SGMS1: variants seen among roughly 807,000 people sequenced by gnomAD.
SGMS1 encodes the protein sphingomyelin synthase 1.
A neutral mutation model predicts 46.2 loss-of-function variants in SGMS1; 13 were observed. The ratio of observed to expected loss-of-function variants is 0.28; its 90% CI spans 0.18 to 0.45. The LOEUF (loss-of-function observed/expected upper bound fraction) is 0.45, where lower values mean the gene tolerates loss of function less well. SGMS1 is among the 20% of genes least tolerant of loss of function. SGMS1 has a pLI of 1.00. For missense variants in SGMS1, 324 were observed against 519.9 expected, an observed-to-expected ratio of 0.62 and a Z score of 3.66; for synonymous variants, 203 against 187.8, an observed-to-expected ratio of 1.08 and a Z score of -0.66.
intron 3 of SGMS1, among the ~76,000 whole-genome samples, chr10:50,478,132 T>C (rs150167523): frequency 6.6e-6 from 1 of 152,338 alleles, no homozygotes; most frequent in African/African-American, 2.4e-5. Context: ...ATGTATGTCA[T>C]GAATCTGCTT....
At chr10:50,624,084 G>T, upstream of SGMS1, 1 of 985,158 alleles carries the variant, frequency 1.0e-6, no homozygotes, top group Non-Finnish European at 1.2e-6. Context: ...GGCTCCTCCC[G>T]GGACCGAGCG....
chr10:50,624,848 C>G (rs1235961745), upstream of SGMS1: 1 of 992,712 alleles, frequency 1.0e-6, no homozygotes, highest in Non-Finnish European at 1.2e-6. Flanking sequence ...ACAGGCAGCC[C>G]GAGGCCGTGC....
chr10:50,570,474 C>T (rs1838327365), intron 2 of SGMS1, among the ~76,000 whole-genome samples: 1 of 152,092 alleles, frequency 6.6e-6, no homozygotes, highest in Non-Finnish European at 1.5e-5. Context: ...TAGCTAGTGC[C>T]ACTGCATTAC....
At chr10:50,389,733 C>T (rs1369244975) in intron 6 of SGMS1, among the ~76,000 whole-genome samples, 1 of 152,156 alleles carries the variant, frequency 6.6e-6, no homozygotes, top group Non-Finnish European at 1.5e-5. Context: ...GCTAATTCAG[C>T]CTAGCTATGC....
chr10:50,500,455 C>T lies in SGMS1; in HGVS notation c.-498+19376G>A, dbSNP rs954847810. ...TTAAAGAAATCAAATAAATGAAAATCGGTTTTAAAATAAAGGTTAAACCAA... is the reference window on the plus strand; with the variant it reads ...TTAAAGAAATCAAATAAATGAAAATTGGTTTTAAAATAAAGGTTAAACCAA... On this transcript the variant is annotated intron_variant, in intron 3 of 10. Coordinates refer to ENST00000361781, the MANE Select transcript of SGMS1 (RefSeq NM_147156.4). 6.6e-5 allele frequency among the ~76,000 whole-genome samples: 10 copies of T among 151,972 alleles called. No homozygotes were observed. The South Asian group carries it at 1.0e-3, about 16-fold the overall frequency.
At chr10:50,546,027 G>C (rs2133825146) in intron 2 of SGMS1, among the ~76,000 whole-genome samples, 1 of 152,300 alleles carries the variant, frequency 6.6e-6, no homozygotes, top group East Asian at 1.9e-4. Flanking sequence ...CCACAGGCCA[G>C]CTTTAGATAA....
intron 6 of SGMS1, among the ~76,000 whole-genome samples, chr10:50,369,359 G>T (rs1166659683): frequency 1.3e-5 from 2 of 152,100 alleles, no homozygotes; most frequent in Non-Finnish European, 2.9e-5. Context: ...TTGGCCCAGT[G>T]TGATGGCACA....
At chr10:50,608,217 A>C (rs1838715369) in intron 1 of SGMS1, among the ~76,000 whole-genome samples, 1 of 152,210 alleles carries the variant, frequency 6.6e-6, no homozygotes, top group African/African-American at 2.4e-5. Context: ...TGAACATCTA[A>C]TATTTATAGA....
At chr10:50,373,375 T>C (rs1848472214) in intron 6 of SGMS1, among the ~76,000 whole-genome samples, 1 of 152,220 alleles carries the variant, frequency 6.6e-6, no homozygotes, top group Non-Finnish European at 1.5e-5. Context: ...TAAGTTGTCT[T>C]AACGCCCTGA....
intron 8 of SGMS1, among the ~76,000 whole-genome samples, chr10:50,323,418 G>C (rs2133305070): frequency 6.6e-6 from 1 of 152,284 alleles, no homozygotes; most frequent in South Asian, 2.1e-4. Flanking sequence ...GTAACTGTCA[G>C]AGTATCCACC....
chr10:50,614,387 C>T (rs538161996), intron 1 of SGMS1, among the ~76,000 whole-genome samples: 4 of 152,294 alleles, frequency 2.6e-5, no homozygotes, highest in East Asian at 1.9e-4. Context: ...TTTCATGAGG[C>T]GGAAGGCACT....
intron 6 of SGMS1, among the ~76,000 whole-genome samples, chr10:50,358,196 T>G (rs1223940519): frequency 4.1e-5 from 6 of 148,070 alleles, no homozygotes; most frequent in Non-Finnish European, 9.0e-5. Context: ...ATACATGACT[T>G]TACTCTGAAA....
chr10:50,419,681 T>C (rs1849228795), intron 6 of SGMS1, among the ~76,000 whole-genome samples: 2 of 152,318 alleles, frequency 1.3e-5, no homozygotes, highest in African/African-American at 4.8e-5. Flanking sequence ...GAAGTGCTAA[T>C]TCCTGAGGTC....
intron 6 of SGMS1, among the ~76,000 whole-genome samples, chr10:50,413,278 G>A (rs1363696025): frequency 1.3e-5 from 2 of 152,120 alleles, no homozygotes; most frequent in Non-Finnish European, 2.9e-5. Context: ...CAGCAAAGGT[G>A]TATCTGACTC....
chr10:50,621,949 G>A (rs953412117), intron 1 of SGMS1, among the ~76,000 whole-genome samples: 2 of 152,174 alleles, frequency 1.3e-5, no homozygotes, highest in African/African-American at 4.8e-5. Context: ...TATTTTAAGA[G>A]GCGCAGTAAG....
At chr10:50,492,109 A>T (rs1837572555) in intron 3 of SGMS1, among the ~76,000 whole-genome samples, 1 of 152,248 alleles carries the variant, frequency 6.6e-6, no homozygotes, top group African/African-American at 2.4e-5. Flanking sequence ...TTTTGATAAA[A>T]TTCAACATCC....
intron 6 of SGMS1, among the ~76,000 whole-genome samples, chr10:50,421,301 T>G (rs1849252003): frequency 1.3e-5 from 2 of 152,158 alleles, no homozygotes; most frequent in Non-Finnish European, 2.9e-5. Flanking sequence ...TGAGGGCACA[T>G]TACTACCACC....
Position 50,487,066 on chromosome 10 carries a change from C to G in SGMS1, c.-497-20134G>C, listed in dbSNP as rs558839866. On this transcript the variant is annotated intron_variant, in intron 3 of 10. Transcript: ENST00000361781. ...GCCATCTAATGTAGAAACAGAAACC[C>G]AAATACCGCATGTTCTCACTTATAA... is the stretch of plus-strand genomic sequence containing the variant. Among the ~76,000 whole-genome samples, 31 of 152,262 alleles carry G rather than the reference C, an allele frequency of 2.0e-4. No individual in the cohort carries two copies. In the South Asian group the frequency reaches 6.0e-3, roughly 30 times the overall value.
At chr10:50,384,089 T>C (rs1240362215) in intron 6 of SGMS1, among the ~76,000 whole-genome samples, 1 of 152,174 alleles carries the variant, frequency 6.6e-6, no homozygotes, top group Non-Finnish European at 1.5e-5. Context: ...ACCTGGATCA[T>C]GGACTTTCTA....
Sources: gnomAD v4.1 joint callset for allele counts (sites outside exome capture counted in the v4.1 genomes callset) on GRCh38, gnomAD v4.1.1 for gene constraint, MANE v1.5 for transcripts, NCBI Gene and HGNC (gene_info 2026-07-23, HGNC 2026-07-21) for gene names.